IFT88: variants seen among roughly 807,000 people sequenced by gnomAD.
The protein encoded by IFT88 is intraflagellar transport protein 88 homolog.
In IFT88, 74 loss-of-function variants were observed where a neutral mutation model predicts 119.5. That is an observed-to-expected ratio of 0.62 (90% confidence interval 0.51 to 0.75). The LOEUF (loss-of-function observed/expected upper bound fraction) is 0.75. Among genes scored for constraint, IFT88 ranks in the 30% least tolerant of loss-of-function variants. The pLI is 0.00. For missense variants in IFT88, 961 were observed against 977.7 expected (o/e 0.98, Z 0.23); for synonymous variants, 279 against 316.7 (o/e 0.88, Z 1.26).
At chr13:20,657,181 A>G (rs1238741341) in intron 22 of IFT88, among the ~76,000 whole-genome samples, 11 of 152,304 alleles carry the variant, frequency 7.2e-5, no homozygotes, top group Admixed American at 5.2e-4. Flanking sequence ...TGTTACTTCA[A>G]TTTTAAAACA....
intron 24 of IFT88, among the ~76,000 whole-genome samples, chr13:20,680,072 A>G (rs1021895528): frequency 2.0e-5 from 3 of 152,228 alleles, no homozygotes; most frequent in African/African-American, 4.8e-5. Flanking sequence ...TTCCCAAGCA[A>G]ATACCTTCAT....
At chr13:20,581,714 G>A (rs569978140) in intron 2 of IFT88, among the ~76,000 whole-genome samples, 2 of 151,996 alleles carry the variant, frequency 1.3e-5, no homozygotes, top group East Asian at 1.9e-4. Flanking sequence ...TTAGCAGGTT[G>A]TGGTAGTGTG....
At chr13:20,681,203 C>T (rs1445106085) in intron 24 of IFT88, among the ~76,000 whole-genome samples, 1 of 152,220 alleles carries the variant, frequency 6.6e-6, no homozygotes, top group East Asian at 1.9e-4. Context: ...TCCGTTTTAA[C>T]AGAAGCTGGA....
intron 7 of IFT88, 78 bp downstream of exon 7, chr13:20,592,482 T>C: frequency 8.7e-7 from 1 of 1,143,518 alleles, no homozygotes; most frequent in South Asian, 1.4e-5. Flanking sequence ...CACAATTTTT[T>C]TTTTTGAGAT....
intron 24 of IFT88, among the ~76,000 whole-genome samples, chr13:20,675,665 C>T (rs1196509366): frequency 1.3e-5 from 2 of 152,188 alleles, no homozygotes; most frequent in Non-Finnish European, 2.9e-5. Flanking sequence ...ATATTCCACT[C>T]TGCTGTTGTG....
intron 3 of IFT88, among the ~76,000 whole-genome samples, chr13:20,584,129 G>T: frequency 6.9e-6 from 1 of 144,624 alleles, no homozygotes; most frequent in Non-Finnish European, 1.5e-5. Context: ...TATTCCATAT[G>T]AATTTTAGGA....
chr13:20,663,886 G>T, intron 23 of IFT88, among the ~76,000 whole-genome samples: 1 of 152,160 alleles, frequency 6.6e-6, no homozygotes, highest in East Asian at 1.9e-4. Context: ...TAGCTTACAG[G>T]TTAATTTGAA....
At chr13:20,665,137 A>G (rs986263165) in intron 23 of IFT88, among the ~76,000 whole-genome samples, 35 of 152,168 alleles carry the variant, frequency 2.3e-4, no homozygotes, top group Non-Finnish European at 3.4e-4. Context: ...AGATAAAAAT[A>G]TATTCAATTT....
In IFT88 at chr13:20,646,272, C is replaced by G. The variant is rs530115529; in HGVS notation, c.1949+1314C>G. Among the ~76,000 whole-genome samples the G allele has an allele frequency of 2.1e-4, 32 of 151,760 alleles. No homozygotes were observed. The South Asian group carries it at 6.5e-3, about 31-fold the overall frequency. Reference sequence around the variant, plus strand: ...CTGACTCATCTGATTGTGATTATCACTAACACATTTACACCAATAAAATCT... The same window carrying G: ...CTGACTCATCTGATTGTGATTATCAGTAACACATTTACACCAATAAAATCT... On this transcript the variant is annotated intron_variant, in intron 20 of 25. Coordinates refer to ENST00000351808, the MANE Select transcript of IFT88 (RefSeq NM_006531.5).
At chr13:20,644,812 T>G in intron 19 of IFT88, 31 bp from the exon 20 acceptor site, 1 of 913,576 alleles carries the variant, frequency 1.1e-6, no homozygotes, top group Non-Finnish European at 1.8e-6. Context: ...CCATTGAAGT[T>G]GTATTGTTAC....
intron 24 of IFT88, among the ~76,000 whole-genome samples, chr13:20,675,581 G>A (rs1458633491): frequency 6.6e-6 from 1 of 152,128 alleles, no homozygotes; most frequent in Non-Finnish European, 1.5e-5. Context: ...GTAATTTGGG[G>A]TGTGCAGACT....
At chr13:20,622,838 A>G (rs1166032415) in intron 14 of IFT88, among the ~76,000 whole-genome samples, 1 of 152,142 alleles carries the variant, frequency 6.6e-6, no homozygotes, top group Non-Finnish European at 1.5e-5. Context: ...CATGAGGTCC[A>G]CTTTGTCTAT....
intron 16 of IFT88, 45 bp downstream of exon 16, chr13:20,631,147 A>G (rs1295645331): frequency 7.4e-6 from 9 of 1,209,788 alleles, no homozygotes; most frequent in Non-Finnish European, 9.8e-6. Flanking sequence ...CTATTTTTAT[A>G]TTGCTAAATT....
chr13:20,644,901 T>C lies in IFT88; in HGVS notation c.1892T>C (p.Ile631Thr), dbSNP rs1350934184. The change falls in exon 20 of 26, where the codon ATT becomes ACT. Residue 631 changes from isoleucine (I) to threonine (T), a missense_variant. By Grantham distance (89) the Ile-to-Thr change is moderately conservative. Transcript: ENST00000351808. ...ATTGAGTGGCTTGGAGCCTATTACA[T>C]TGACACCCAATTTTGGGAAAAAGCT... ...EVIEWLGAYY[I>T]DTQFWEKAIQ... 6 of 1,607,318 alleles carry C rather than the reference T, an allele frequency of 3.7e-6. No homozygotes were observed. The highest frequency in any genetic ancestry group is 2.2e-5 in the South Asian group (2 of 90,248).
intron 1 of IFT88, among the ~76,000 whole-genome samples, chr13:20,570,017 C>T (rs372179067): frequency 1.4e-5 from 2 of 144,216 alleles, no homozygotes; most frequent in South Asian, 4.6e-4. Context: ...CTAGCCTAGG[C>T]GACAGAGCAA....
At chr13:20,650,353 T>C (rs1014739997) in intron 20 of IFT88, among the ~76,000 whole-genome samples, 1 of 152,074 alleles carries the variant, frequency 6.6e-6, no homozygotes, top group African/African-American at 2.4e-5. Context: ...TTCACATTAA[T>C]AGAATGAAGA....
intron 11 of IFT88, among the ~76,000 whole-genome samples, chr13:20,601,028 G>T (rs1030111497): frequency 1.3e-5 from 2 of 152,200 alleles, no homozygotes; most frequent in African/African-American, 2.4e-5. Context: ...CAAATTGTAT[G>T]ACTCCATTTA....
In IFT88 at chr13:20,568,007, G is replaced by A. The variant is rs368836743; in HGVS notation, c.-7+751G>A. On this transcript the variant is annotated intron_variant, in intron 1 of 25. Coordinates refer to ENST00000351808, the MANE Select transcript of IFT88 (RefSeq NM_006531.5). ...ATTCACAAACACTAAGGTAGCCGAT[G>A]AGCTTTAAAAAAAATCGCAAAAAAG... 2.5e-5 allele frequency: 18 copies of A among 713,426 alleles called. No individual in the cohort carries two copies. The highest frequency in any genetic ancestry group is 2.3e-4 in the African/African-American group (13 of 57,102). 44.2% of individuals were successfully genotyped at this position (713,426 alleles called of 1,614,324 possible).
intron 7 of IFT88, among the ~76,000 whole-genome samples, chr13:20,592,784 T>G (rs2040920931): frequency 6.6e-6 from 1 of 152,176 alleles, no homozygotes; most frequent in South Asian, 2.1e-4. Flanking sequence ...AATTACATAA[T>G]TATGTGACTT....
Sources: gnomAD v4.1 joint callset for allele counts (sites outside exome capture counted in the v4.1 genomes callset) on GRCh38, gnomAD v4.1.1 for gene constraint, MANE v1.5 for transcripts, NCBI Gene and HGNC (gene_info 2026-07-23, HGNC 2026-07-21) for gene names.